The following GABRG3 variants were observed in gnomAD, a reference collection of about 807,000 sequenced individuals.
GABRG3 encodes gamma-aminobutyric acid receptor subunit gamma-3.
In GABRG3, 25 loss-of-function variants were observed where a neutral mutation model predicts 48.8. The ratio of observed to expected loss-of-function variants is 0.51; its 90% confidence interval spans 0.37 to 0.72. GABRG3 has a LOEUF of 0.72. GABRG3 is among the 30% of genes least tolerant of loss of function. The pLI is 0.00. For missense variants in GABRG3, 394 were observed against 577.9 expected, an observed-to-expected ratio of 0.68 and a Z score of 3.26; for synonymous variants, 227 against 217.6, an observed-to-expected ratio of 1.04 and a Z score of -0.38.
rs1450405026 is a variant in GABRG3 at position 27,535,193 on chromosome 15, T to G, written c.*2312T>G. 2 of 152,272 alleles carry G rather than the reference T, an allele frequency of 1.3e-5. No homozygotes were observed. Among genetic ancestry groups the G allele is most frequent in the East Asian group, 3.9e-4 (2 of 5,158 alleles). The allele number at this position is 152,272 out of a possible 1,614,324, so 9.4% of individuals were successfully genotyped here. On this transcript the variant is annotated 3_prime_UTR_variant, in exon 10 of 10. Transcript: ENST00000615808. The stretch of plus-strand genomic sequence containing the variant: ...ATGTCAAACGTTATGAATGGGTAAT[T>G]TCTAACAAGCTGAAGAACTGCAACC...
chr15:27,225,299 AC>A (rs974885172), intron 3 of GABRG3, among the ~76,000 whole-genome samples: 6 of 151,710 alleles, frequency 4.0e-5, no homozygotes, highest in African/African-American at 1.5e-4. Context: ...CTTCCCAGAC[AC>A]CGCCCTGCAG....
chr15:27,234,163 T>C (rs1889886820), intron 3 of GABRG3, among the ~76,000 whole-genome samples: 1 of 152,210 alleles, frequency 6.6e-6, no homozygotes. Context: ...CTATTCTGTC[T>C]AATTCTATTC....
intron 2 of GABRG3, among the ~76,000 whole-genome samples, chr15:27,017,715 G>A (rs1235057099): frequency 2.6e-5 from 4 of 152,220 alleles, no homozygotes; most frequent in Non-Finnish European, 5.9e-5. Flanking sequence ...ACTTCTGTGT[G>A]GCTGGCTTTG....
At chr15:27,334,716 G>A (rs1301340764) in intron 5 of GABRG3, among the ~76,000 whole-genome samples, 1 of 152,086 alleles carries the variant, frequency 6.6e-6, no homozygotes, top group African/African-American at 2.4e-5. Flanking sequence ...AAAAAAATAA[G>A]CTTGAACTTA....
At chr15:27,398,956 A>C (rs956440523) in intron 5 of GABRG3, among the ~76,000 whole-genome samples, 4 of 152,160 alleles carry the variant, frequency 2.6e-5, no homozygotes, top group African/African-American at 9.7e-5. Flanking sequence ...TGGACTCCTC[A>C]CAGCAAGGCA....
intron 5 of GABRG3, among the ~76,000 whole-genome samples, chr15:27,367,111 G>A (rs376430332): frequency 1.3e-5 from 2 of 152,128 alleles, no homozygotes; most frequent in East Asian, 3.9e-4. Context: ...TCCCTGACTA[G>A]CCAGGACCCA....
At chr15:27,194,980 T>G (rs1044391446) in intron 3 of GABRG3, among the ~76,000 whole-genome samples, 3 of 152,228 alleles carry the variant, frequency 2.0e-5, no homozygotes, top group Non-Finnish European at 4.4e-5. Flanking sequence ...TCTTTGTGGT[T>G]TAGATTAGGT....
At chr15:27,186,480 C>T (rs1888102081) in intron 3 of GABRG3, among the ~76,000 whole-genome samples, 1 of 152,124 alleles carries the variant, frequency 6.6e-6, no homozygotes, top group South Asian at 2.1e-4. Context: ...CATGTGGGTG[C>T]ATCGTATGTC....
At chr15:27,059,105 G>T (rs1896603029) in intron 3 of GABRG3, among the ~76,000 whole-genome samples, 1 of 152,214 alleles carries the variant, frequency 6.6e-6, no homozygotes, top group Non-Finnish European at 1.5e-5. Flanking sequence ...TTTCAGGCTG[G>T]CAGGCTGCCC....
chr15:27,529,317 G>A (rs985763495), intron 9 of GABRG3, among the ~76,000 whole-genome samples: 5 of 152,102 alleles, frequency 3.3e-5, no homozygotes, highest in South Asian at 2.1e-4. Flanking sequence ...CTGAAAAATC[G>A]AGAAACATAT....
At chr15:27,448,810 C>T (rs11857694) in intron 5 of GABRG3, among the ~76,000 whole-genome samples, 110 of 151,198 alleles carry the variant, frequency 7.3e-4, no homozygotes, top group African/African-American at 2.6e-3. Flanking sequence ...CATGCACACA[C>T]ACAAAATAAG....
chr15:27,529,569 G>A (rs1197106896), intron 9 of GABRG3, among the ~76,000 whole-genome samples: 1 of 152,136 alleles, frequency 6.6e-6, no homozygotes, highest in African/African-American at 2.4e-5. Context: ...CCCATTGTCA[G>A]GAGACTACAT....
At position 27,509,484 on chromosome 15, in the gene GABRG3, A is replaced by T. The variant is rs1367484106; in HGVS notation, c.713-10488A>T. On this transcript the variant is annotated intron_variant, in intron 6 of 9. Coordinates refer to ENST00000615808, the MANE Select transcript of GABRG3 (RefSeq NM_033223.5). ...AATTCAAATAATATGTATATTAGAC[A>T]GTTTGTTATTTTTTCACAGCTCTTG... Among the ~76,000 whole-genome samples, 5 of 152,188 alleles carry T rather than the reference A, an allele frequency of 3.3e-5. No homozygotes were observed. The East Asian group carries it at 9.7e-4, about 29-fold the overall frequency.
At chr15:27,311,949 A>G (rs1218750330) in intron 3 of GABRG3, among the ~76,000 whole-genome samples, 3 of 152,160 alleles carry the variant, frequency 2.0e-5, no homozygotes, top group African/African-American at 4.8e-5. Context: ...AGAAACGGTA[A>G]TATTTCCCAT....
At chr15:27,452,288 A>G (rs115813090) in intron 5 of GABRG3, among the ~76,000 whole-genome samples, 2,190 of 152,328 alleles carry the variant, frequency 0.014, 54 homozygotes, top group African/African-American at 0.05. Flanking sequence ...GTGGAATTGT[A>G]AATTGATACA....
At chr15:27,146,279 C>T (rs905060168) in intron 3 of GABRG3, among the ~76,000 whole-genome samples, 1 of 152,058 alleles carries the variant, frequency 6.6e-6, no homozygotes, top group African/African-American at 2.4e-5. Context: ...ACGTTGAAAC[C>T]CTGTCTCTAC....
chr15:27,039,065 C>T (rs937664899), intron 3 of GABRG3, among the ~76,000 whole-genome samples: 3 of 152,164 alleles, frequency 2.0e-5, no homozygotes, highest in Non-Finnish European at 2.9e-5. Flanking sequence ...ACAACGGGGA[C>T]GAGTGGGCAC....
intron 5 of GABRG3, among the ~76,000 whole-genome samples, chr15:27,456,016 G>C (rs1226903896): frequency 2.0e-5 from 3 of 152,186 alleles, no homozygotes. Flanking sequence ...ACCCCAGTGT[G>C]TTCTGACATC....
intron 3 of GABRG3, among the ~76,000 whole-genome samples, chr15:27,130,846 TG>T (rs1386542960): frequency 6.6e-6 from 1 of 152,122 alleles, no homozygotes; most frequent in Non-Finnish European, 1.5e-5. Flanking sequence ...ATAACTGATT[TG>T]GGGTGTTGAC....
Sources: allele counts gnomAD v4.1 joint callset (sites outside exome capture counted in the v4.1 genomes callset), GRCh38; gene constraint gnomAD v4.1.1; transcripts MANE v1.5; gene names NCBI Gene and HGNC (gene_info 2026-07-23, HGNC 2026-07-21).